The following FAT3 variants were observed in gnomAD, a reference collection of about 807,000 sequenced individuals.
FAT3 encodes the protein protocadherin Fat 3.
Under a neutral mutation model 310.2 loss-of-function variants are expected in FAT3, and 95 were observed. The observed-to-expected ratio is 0.31, with a 90% CI of 0.26 to 0.36. The LOEUF is 0.36. Ranked by LOEUF, FAT3 falls within the 10% of genes least tolerant of loss-of-function variation. The pLI is 1.00. For synonymous variants in FAT3, 2,314 were observed against 2,192.9 expected (o/e 1.06, Z -1.54); for missense variants, 5,408 against 5,715.6 (o/e 0.95, Z 1.74).
At chr11:92,290,383 T>C (rs1488482878) in intron 1 of FAT3, among the ~76,000 whole-genome samples, 1 of 152,152 alleles carries the variant, frequency 6.6e-6, no homozygotes, top group African/African-American at 2.4e-5. Context: ...GCCATCAGGA[T>C]ATTGAATAAA....
intron 1 of FAT3, among the ~76,000 whole-genome samples, chr11:92,329,310 T>TG: frequency 6.6e-6 from 1 of 151,946 alleles, no homozygotes; most frequent in Non-Finnish European, 1.5e-5. Flanking sequence ...AGTGAGTGTT[T>TG]GCTCTGTTTG....
chr11:92,387,707 CAG>C (rs1398477716), intron 2 of FAT3, among the ~76,000 whole-genome samples: 32 of 152,002 alleles, frequency 2.1e-4, no homozygotes, highest in African/African-American at 7.7e-4. Context: ...ATATAGGAGA[CAG>C]AGAAAGGTTA....
chr11:92,401,914 A>G (rs754870152), intron 2 of FAT3, among the ~76,000 whole-genome samples: 6 of 152,232 alleles, frequency 3.9e-5, no homozygotes, highest in Non-Finnish European at 5.9e-5. Flanking sequence ...CTATTATCCT[A>G]TAGAACATGT....
At chr11:92,861,417 C>T (rs987797398) in intron 21 of FAT3, among the ~76,000 whole-genome samples, 4 of 152,076 alleles carry the variant, frequency 2.6e-5, no homozygotes, top group African/African-American at 7.2e-5. Flanking sequence ...CCAGAGGATA[C>T]GAAAGAAGAA....
chr11:92,380,424 G>A (rs560708060), intron 2 of FAT3, among the ~76,000 whole-genome samples: 2 of 152,250 alleles, frequency 1.3e-5, no homozygotes, highest in East Asian at 3.9e-4. Flanking sequence ...TCTGTCCATT[G>A]TAGTTTATAC....
At chr11:92,552,951 C>CAAAAA (rs374618399) in intron 3 of FAT3, among the ~76,000 whole-genome samples, 1 of 47,704 alleles carries the variant, frequency 2.1e-5, no homozygotes, top group Admixed American at 2.6e-4. Flanking sequence ...CACGTTCAAA[C>CAAAAA]AAAAAAAAAT....
At chr11:92,706,896 T>C (rs1363543886) in intron 4 of FAT3, among the ~76,000 whole-genome samples, 1 of 152,204 alleles carries the variant, frequency 6.6e-6, no homozygotes, top group Admixed American at 6.5e-5. Flanking sequence ...AGCTGAACAT[T>C]GTCCGCACAG....
chr11:92,681,633 C>G (rs1217529676), intron 3 of FAT3, among the ~76,000 whole-genome samples: 1 of 152,154 alleles, frequency 6.6e-6, no homozygotes, highest in African/African-American at 2.4e-5. Context: ...AGCAGAAGCC[C>G]TCAGAAGGAA....
At chr11:92,851,187 G>A (rs963826542) in intron 19 of FAT3, among the ~76,000 whole-genome samples, 1 of 152,066 alleles carries the variant, frequency 6.6e-6, no homozygotes. Flanking sequence ...CACCTACTGC[G>A]GACTTACAAA....
chr11:92,245,742 A>T (rs2134263782), intron 1 of FAT3, among the ~76,000 whole-genome samples: 1 of 152,276 alleles, frequency 6.6e-6, no homozygotes, highest in Non-Finnish European at 1.5e-5. Flanking sequence ...TTTGAATAAA[A>T]CTTTATTTGC....
intron 13 of FAT3, among the ~76,000 whole-genome samples, chr11:92,815,710 C>T (rs544485282): frequency 1.3e-5 from 2 of 152,282 alleles, no homozygotes; most frequent in South Asian, 4.2e-4. Flanking sequence ...CAAACATGGG[C>T]ACCAGGTGAA....
intron 2 of FAT3, among the ~76,000 whole-genome samples, chr11:92,425,906 G>C (rs1950622126): frequency 6.6e-6 from 1 of 152,080 alleles, no homozygotes; most frequent in Admixed American, 6.6e-5. Flanking sequence ...CCTAGCAATG[G>C]TATTATTGTA....
rs780805417 is a variant in FAT3, at chr11:92,352,373, C to T, written c.261C>T (p.Asp87=). Residue 87 remains aspartate, a synonymous_variant, in exon 2 of 28, where the codon GAC becomes GAT. Coordinates refer to ENST00000525166, the MANE Select transcript of FAT3 (RefSeq NM_001367949.2). The stretch of plus-strand genomic sequence containing the variant: ...TCAAATACAGAATAGTGTCCGGAGA[C>T]GAGGAAGGCTTTTTCAAAGCAGAGG... ...WDIKYRIVSG[D]EEGFFKAEEV... The T allele has an allele frequency of 4.1e-5, 66 of 1,606,298 alleles. 1 individual carries two copies. Among genetic ancestry groups the T allele is most frequent in the South Asian group, 3.0e-4 (27 of 90,186 alleles).
At chr11:92,621,669 T>C (rs764804077) in intron 3 of FAT3, among the ~76,000 whole-genome samples, 2 of 152,228 alleles carry the variant, frequency 1.3e-5, no homozygotes, top group Non-Finnish European at 2.9e-5. Flanking sequence ...CTACTTGTTA[T>C]TTTATTGTAA....
At chr11:92,603,287 T>A (rs1290715155) in intron 3 of FAT3, among the ~76,000 whole-genome samples, 1 of 152,214 alleles carries the variant, frequency 6.6e-6, no homozygotes, top group Non-Finnish European at 1.5e-5. Context: ...TGCAATTTCA[T>A]AGTAACTTCT....
intron 3 of FAT3, among the ~76,000 whole-genome samples, chr11:92,566,292 T>C (rs554677945): frequency 2.6e-5 from 4 of 152,140 alleles, no homozygotes; most frequent in Non-Finnish European, 2.9e-5. Flanking sequence ...CACAATTGCT[T>C]CAAAGACAAT....
At position 92,806,500 on chromosome 11, in the gene FAT3, C is replaced by G; in HGVS notation, c.9232C>G (p.Leu3078Val). 2.6e-6 allele frequency: 4 copies of G among 1,546,694 alleles called. No homozygotes were observed. Among genetic ancestry groups the G allele is most frequent in the Non-Finnish European group, 3.5e-6 (4 of 1,143,242 alleles). Residue 3078 changes from leucine to valine, a missense_variant, in exon 12 of 28, where the codon CTA (leucine) becomes GTA (valine). Leu to Val is a conservative substitution (Grantham distance 32, BLOSUM62 1). Transcript: ENST00000525166. ...LYGSGNSEFF[L>V]DPESGELKTL... ...TGGATCTGGAAACAGTGAATTTTTTCTAGATCCAGAAAGTGGTAAGCTAAA... is the reference window on the plus strand; with the variant it reads ...TGGATCTGGAAACAGTGAATTTTTTGTAGATCCAGAAAGTGGTAAGCTAAA...
chr11:92,572,141 C>T (rs1312170628), intron 3 of FAT3, among the ~76,000 whole-genome samples: 1 of 152,162 alleles, frequency 6.6e-6, no homozygotes, highest in Non-Finnish European at 1.5e-5. Context: ...CCTTATGGGG[C>T]TCACCATCCA....
chr11:92,334,218 A>C (rs1187094545), intron 1 of FAT3, among the ~76,000 whole-genome samples: 1 of 152,014 alleles, frequency 6.6e-6, no homozygotes, highest in South Asian at 2.1e-4. Context: ...TCTACTAAAA[A>C]TACGAAAATT....
Sources: gnomAD v4.1 joint callset for allele counts (sites outside exome capture counted in the v4.1 genomes callset) on GRCh38, gnomAD v4.1.1 for gene constraint, MANE v1.5 for transcripts, NCBI Gene and HGNC (gene_info 2026-07-23, HGNC 2026-07-21) for gene names.